ADAM32: variants seen among roughly 807,000 people sequenced by gnomAD.
ADAM32 encodes the protein disintegrin and metalloproteinase domain-containing protein 32.
In ADAM32, 89 loss-of-function variants were observed where a neutral mutation model predicts 114.9. The ratio of observed to expected loss-of-function variants is 0.77; its 90% CI spans 0.65 to 0.92. ADAM32 has a LOEUF of 0.92. ADAM32 is among the 40% of genes least tolerant of loss of function. ADAM32 has a pLI of 0.00. For synonymous variants in ADAM32, 285 were observed against 307.5 expected (o/e 0.93, Z 0.77); for missense variants, 870 against 932.8 (o/e 0.93, Z 0.88).
chr8:39,164,364 A>G (rs764327649), intron 7 of ADAM32, among the ~76,000 whole-genome samples: 1 of 152,186 alleles, frequency 6.6e-6, no homozygotes, highest in Non-Finnish European at 1.5e-5. Flanking sequence ...AGTTTATTTA[A>G]CCATTTAACC....
At chr8:39,260,552 G>C (rs1320761750) in intron 19 of ADAM32, among the ~76,000 whole-genome samples, 1 of 152,046 alleles carries the variant, frequency 6.6e-6, no homozygotes, top group East Asian at 1.9e-4. Flanking sequence ...TTTGTTTCCT[G>C]TATCTGTTGA....
intron 22 of ADAM32, among the ~76,000 whole-genome samples, chr8:39,279,324 G>A (rs1276854532): frequency 6.6e-6 from 1 of 152,034 alleles, no homozygotes; most frequent in Non-Finnish European, 1.5e-5. Context: ...AGTCTCTGTT[G>A]CCCAGGCTGG....
At chr8:39,240,888 A>T (rs1810509737) in intron 16 of ADAM32, among the ~76,000 whole-genome samples, 1 of 152,184 alleles carries the variant, frequency 6.6e-6, no homozygotes, top group Non-Finnish European at 1.5e-5. Flanking sequence ...TGCCTTCCTA[A>T]CAGTCCCCCA....
At chr8:39,220,019 G>C (rs183296750) in intron 12 of ADAM32, among the ~76,000 whole-genome samples, 45 of 152,154 alleles carry the variant, frequency 3.0e-4, no homozygotes, top group Middle Eastern at 3.4e-3. Context: ...TTCTGTCTTG[G>C]TGATCTGTCT....
chr8:39,220,845 T>C (rs1249617773), intron 12 of ADAM32: 2 of 151,940 alleles, frequency 1.3e-5, no homozygotes, highest in Non-Finnish European at 2.9e-5. Context: ...TGGTCTATTC[T>C]GAAGAATGTT....
At chr8:39,205,820 TCTCA>T (rs1218838353) in intron 11 of ADAM32, among the ~76,000 whole-genome samples, 1 of 152,238 alleles carries the variant, frequency 6.6e-6, no homozygotes, top group African/African-American at 2.4e-5. Flanking sequence ...CTCTGTTTTG[TCTCA>T]CTAAGTTTCT....
chr8:39,195,726 T>C (rs1355779139), intron 11 of ADAM32, among the ~76,000 whole-genome samples: 1 of 152,238 alleles, frequency 6.6e-6, no homozygotes, highest in Admixed American at 6.5e-5. Flanking sequence ...GATGGGTTTA[T>C]TTCTTGGCTT....
At position 39,133,754 on chromosome 8, in the gene ADAM32, A is replaced by C. The variant is rs1221987457; in HGVS notation, c.139-2903A>C. ...ATGCATGGGCACTGGTGCTGATAGCAGGTGGGGCTGGCCAGATATCAGATC... is the reference window on the plus strand; with the variant it reads ...ATGCATGGGCACTGGTGCTGATAGCCGGTGGGGCTGGCCAGATATCAGATC... On this transcript the variant is annotated intron_variant, in intron 2 of 24. Transcript: ENST00000379907. Among the ~76,000 whole-genome samples, 7 of 152,188 alleles carry C rather than the reference A, an allele frequency of 4.6e-5. No individual in the cohort carries two copies. The East Asian group carries it at 1.3e-3, about 29-fold the overall frequency.
intron 9 of ADAM32, chr8:39,165,720 C>A (rs1309784463): frequency 6.6e-6 from 1 of 152,036 alleles, no homozygotes. Flanking sequence ...TAGCAAGTGT[C>A]TTTCAATGAA....
chr8:39,115,841 T>G (rs1436424394), intron 1 of ADAM32, among the ~76,000 whole-genome samples: 3 of 152,214 alleles, frequency 2.0e-5, no homozygotes, highest in African/African-American at 4.8e-5. Flanking sequence ...GAATGGCATG[T>G]CCTGGGTTTT....
At chr8:39,152,003 C>T (rs941942752) in intron 6 of ADAM32, among the ~76,000 whole-genome samples, 9 of 152,110 alleles carry the variant, frequency 5.9e-5, no homozygotes, top group African/African-American at 2.2e-4. Flanking sequence ...TGAAACCATA[C>T]TTTTTATGAT....
Position 39,165,022 on chromosome 8 carries a change from GT to G in ADAM32, c.667-3del, listed in dbSNP as rs759757089. 4 of 1,584,990 alleles carry G rather than the reference GT, an allele frequency of 2.5e-6. No homozygotes were observed. The highest frequency in any genetic ancestry group is 3.4e-6 in the Non-Finnish European group (4 of 1,166,332). On this transcript the variant is annotated splice_region_variant and splice_polypyrimidine_tract_variant and intron_variant, in intron 8 of 24. Transcript: ENST00000379907. Reference sequence around the variant, plus strand: ...AATTATGCATGTATTTATCTCTTCTGTTTTTAGATGTTCACCCAATTTAAAG... The same window carrying G: ...AATTATGCATGTATTTATCTCTTCTGTTTTAGATGTTCACCCAATTTAAAG...
At chr8:39,142,302 G>A (rs1478235540) in intron 3 of ADAM32, among the ~76,000 whole-genome samples, 3 of 152,130 alleles carry the variant, frequency 2.0e-5, no homozygotes, top group Admixed American at 6.6e-5. Context: ...TGGCATTGAT[G>A]GTGTTTACCA....
intron 17 of ADAM32, among the ~76,000 whole-genome samples, chr8:39,252,786 T>C (rs1248334522): frequency 2.0e-5 from 3 of 151,616 alleles, no homozygotes; most frequent in Non-Finnish European, 4.4e-5. Context: ...GGTGTATATT[T>C]ATACACCAAC....
intron 19 of ADAM32, among the ~76,000 whole-genome samples, chr8:39,269,012 T>G (rs570745094): frequency 6.6e-6 from 1 of 151,748 alleles, no homozygotes; most frequent in Admixed American, 6.5e-5. Flanking sequence ...ATGGTTTTAC[T>G]CTGGCTCAGG....
chr8:39,153,504 C>T (rs1803970196), intron 6 of ADAM32, among the ~76,000 whole-genome samples: 1 of 152,202 alleles, frequency 6.6e-6, no homozygotes, highest in African/African-American at 2.4e-5. Flanking sequence ...CTGCTTTGCC[C>T]AGATGGCAAG....
At chr8:39,152,838 T>C (rs540014137) in intron 6 of ADAM32, among the ~76,000 whole-genome samples, 2 of 152,054 alleles carry the variant, frequency 1.3e-5, no homozygotes, top group Non-Finnish European at 2.9e-5. Flanking sequence ...TACCTCTAGG[T>C]AGGGCCATGT....
chr8:39,187,736 T>G (rs1484708955), intron 11 of ADAM32, among the ~76,000 whole-genome samples: 1 of 152,200 alleles, frequency 6.6e-6, no homozygotes, highest in Non-Finnish European at 1.5e-5. Flanking sequence ...TATATATGTT[T>G]GTGTGACTTT....
chr8:39,167,567 A>G (rs1385989457), intron 9 of ADAM32: 1 of 152,114 alleles, frequency 6.6e-6, no homozygotes, highest in Admixed American at 6.5e-5. Flanking sequence ...TTTTTTTTCT[A>G]ATTCTGTGAA....
Sources: gnomAD v4.1 joint callset for allele counts (sites outside exome capture counted in the v4.1 genomes callset) on GRCh38, gnomAD v4.1.1 for gene constraint, MANE v1.5 for transcripts, NCBI Gene and HGNC (gene_info 2026-07-23, HGNC 2026-07-21) for gene names.